Variants in MAF observed in about 807,000 individuals in gnomAD.
MAF encodes the protein transcription factor Maf.
Under a neutral mutation model 22.0 loss-of-function variants are expected in MAF, and 10 were observed. That is an observed-to-expected ratio of 0.45 (90% CI 0.28 to 0.77). The LOEUF (loss-of-function observed/expected upper bound fraction) is 0.77. Ranked by LOEUF, MAF falls within the 30% of genes least tolerant of loss-of-function variation. MAF has a pLI of 0.12. For synonymous variants in MAF, 337 were observed against 255.8 expected, an observed-to-expected ratio of 1.32 and a Z score of -3.03; for missense variants, 544 against 548.4, an observed-to-expected ratio of 0.99 and a Z score of 0.08.
the MAF span, among the ~76,000 whole-genome samples, chr16:79,462,701 T>C: frequency 6.6e-6 from 1 of 152,240 alleles, no homozygotes; most frequent in South Asian, 2.1e-4. Context: ...TTGGGCCATG[T>C]TAACATTTCA....
chr16:79,486,473 T>C, the MAF span, among the ~76,000 whole-genome samples: 1 of 152,166 alleles, frequency 6.6e-6, no homozygotes, highest in African/African-American at 2.4e-5. Context: ...CATAACAATA[T>C]TTTACCCAAA....
chr16:79,360,925 G>T, the MAF span, among the ~76,000 whole-genome samples: 1 of 152,290 alleles, frequency 6.6e-6, no homozygotes, highest in Middle Eastern at 3.4e-3. Flanking sequence ...CAGGGACTTT[G>T]TGTTGTTAGC....
the MAF span, among the ~76,000 whole-genome samples, chr16:79,547,381 T>A: frequency 1.3e-5 from 2 of 151,886 alleles, no homozygotes; most frequent in Non-Finnish European, 2.9e-5. Context: ...CCCGAACCTG[T>A]ACACACACAT....
At chr16:79,580,545 TG>T in the MAF span, among the ~76,000 whole-genome samples, 9 of 152,114 alleles carry the variant, frequency 5.9e-5, no homozygotes, top group Non-Finnish European at 1.0e-4. Context: ...GGGGAAAGAA[TG>T]GGATGCCAGG....
chr16:79,481,649 C>T, the MAF span, among the ~76,000 whole-genome samples: 1 of 152,130 alleles, frequency 6.6e-6, no homozygotes, highest in African/African-American at 2.4e-5. Context: ...CCCACCCATC[C>T]ACTCATCCAC....
At chr16:79,356,745 T>G in the MAF span, among the ~76,000 whole-genome samples, 2 of 152,142 alleles carry the variant, frequency 1.3e-5, no homozygotes, top group Non-Finnish European at 2.9e-5. Flanking sequence ...CTGTATAAAA[T>G]AAGTCCACCC....
At chr16:79,252,305 A>G in the MAF span, among the ~76,000 whole-genome samples, 1 of 152,180 alleles carries the variant, frequency 6.6e-6, no homozygotes, top group Non-Finnish European at 1.5e-5. Flanking sequence ...TTATAAATAA[A>G]CTTTATTTAT....
chr16:79,554,413 A>C, the MAF span, among the ~76,000 whole-genome samples: 1 of 152,210 alleles, frequency 6.6e-6, no homozygotes, highest in Admixed American at 6.5e-5. Context: ...GCTACATCAG[A>C]GATGCTGAGA....
the MAF span, among the ~76,000 whole-genome samples, chr16:79,424,147 A>G: frequency 6.6e-6 from 1 of 152,202 alleles, no homozygotes; most frequent in Non-Finnish European, 1.5e-5. Flanking sequence ...CTTATGCAAA[A>G]TTATCTGGTT....
At chr16:79,553,321 G>A in the MAF span, among the ~76,000 whole-genome samples, 56 of 152,322 alleles carry the variant, frequency 3.7e-4, no homozygotes, top group Non-Finnish European at 6.2e-4. Flanking sequence ...TTGGCTGAGT[G>A]GCTTCCAATG....
the MAF span, among the ~76,000 whole-genome samples, chr16:79,230,497 C>T: frequency 6.6e-6 from 1 of 152,122 alleles, no homozygotes; most frequent in Non-Finnish European, 1.5e-5. Context: ...CCATTGATTT[C>T]GAAGAATGTT....
At chr16:79,568,844 T>G in the MAF span, among the ~76,000 whole-genome samples, 1 of 152,238 alleles carries the variant, frequency 6.6e-6, no homozygotes, top group Non-Finnish European at 1.5e-5. Flanking sequence ...TCATGTTTAC[T>G]GAGCACTTCT....
chr16:79,571,163 C>T, the MAF span, among the ~76,000 whole-genome samples: 186 of 151,620 alleles, frequency 1.2e-3, no homozygotes, highest in Non-Finnish European at 2.0e-3. Context: ...TCTGAGCTGA[C>T]ATTTCCTTAG....
chr16:79,410,001 G>A, the MAF span, among the ~76,000 whole-genome samples: 3,424 of 152,238 alleles, frequency 0.022, 72 homozygotes, highest in Middle Eastern at 0.058. Flanking sequence ...TGGATGAATT[G>A]CAACCTAGCT....
chr16:79,229,340 G>T, the MAF span: 1 of 151,666 alleles, frequency 6.6e-6, no homozygotes, highest in South Asian at 2.1e-4. Context: ...TGGGCGCGAG[G>T]CTCCTCCGGA....
chr16:79,291,196 A>G, the MAF span, among the ~76,000 whole-genome samples: 32 of 152,186 alleles, frequency 2.1e-4, no homozygotes, highest in African/African-American at 7.5e-4. Flanking sequence ...TCCCTCTCCT[A>G]CAGAGCATAG....
chr16:79,568,609 T>A, the MAF span, among the ~76,000 whole-genome samples: 1 of 152,188 alleles, frequency 6.6e-6, no homozygotes, highest in Non-Finnish European at 1.5e-5. Flanking sequence ...GTTGGAGATA[T>A]CATCCGGTTT....
At chr16:79,319,910 G>A in the MAF span, among the ~76,000 whole-genome samples, 1,751 of 152,304 alleles carry the variant, frequency 0.011, 25 homozygotes, top group African/African-American at 0.04. Flanking sequence ...GTTGGAGATG[G>A]GCTTTCTGCA....
At chr16:79,501,958 G>A in the MAF span, among the ~76,000 whole-genome samples, 1 of 152,138 alleles carries the variant, frequency 6.6e-6, no homozygotes, top group South Asian at 2.1e-4. Flanking sequence ...TTGGACTTCT[G>A]AGAAGTGGCT....
Sources: gnomAD v4.1 joint callset for allele counts (sites outside exome capture counted in the v4.1 genomes callset) on GRCh38, gnomAD v4.1.1 for gene constraint, MANE v1.5 for transcripts, NCBI Gene and HGNC (gene_info 2026-07-23, HGNC 2026-07-21) for gene names.